POLRMT: variants seen among roughly 807,000 people sequenced by gnomAD.
The protein encoded by POLRMT is DNA-directed RNA polymerase, mitochondrial.
Under a neutral mutation model 132.2 loss-of-function variants are expected in POLRMT, and 114 were observed. That is an observed-to-expected ratio of 0.86 (90% CI 0.74 to 1.01). The LOEUF (loss-of-function observed/expected upper bound fraction) is 1.01, where lower values mean the gene tolerates loss of function less well. POLRMT is among the 50% of genes least tolerant of loss of function. POLRMT has a pLI of 0.00. For missense variants in POLRMT, 2,003 were observed against 1,729.1 expected (o/e 1.16, Z -2.81); for synonymous variants, 1,020 against 773.4 (o/e 1.32, Z -5.29).
At position 621,331 on chromosome 19, in the gene POLRMT, C is replaced by G. The variant is rs907878498; in HGVS notation, c.2367G>C (p.Leu789=). 6.3e-7 allele frequency: 1 copy of G among 1,591,960 alleles called. No individual in the cohort carries two copies. Among genetic ancestry groups the G allele is most frequent in the African/African-American group, 1.3e-5 (1 of 74,582 alleles). ...GCGGCAGCCAGAAGACGCGGTCCCGCAGGTGCTGCGCCAGCGAGAGGCGGT... is the reference window on the plus strand; with the variant it reads ...GCGGCAGCCAGAAGACGCGGTCCCGGAGGTGCTGCGCCAGCGAGAGGCGGT... ...ALYRLSLAQH[L]RDRVFWLPHN... is the part of the protein sequence containing the mutation. The change falls in exon 10 of 21, where the codon CTG becomes CTC. Residue 789 remains leucine, a synonymous_variant. Transcript: ENST00000588649.
At chr19:623,805 C>G (rs941171888) in intron 5 of POLRMT, among the ~76,000 whole-genome samples, 1 of 152,206 alleles carries the variant, frequency 6.6e-6, no homozygotes, top group African/African-American at 2.4e-5. Context: ...GGCCTCGACC[C>G]CTCTAGAAGG....
rs1243562215 is a variant in POLRMT, at chr19:621,029, G to A, written c.2640+29C>T. On this transcript the variant is annotated intron_variant, in intron 10 of 20. Coordinates refer to ENST00000588649, the MANE Select transcript of POLRMT (RefSeq NM_005035.4). ...GGGGAGGGCGCGGGGGTGCCGGGAG[G>A]GCGGGGAATGCGGGGGCCCCGCCCC... 14 of 1,522,090 alleles carry A rather than the reference G, an allele frequency of 9.2e-6. 1 individual carries two copies. The highest frequency in any genetic ancestry group is 5.0e-5 in the African/African-American group (3 of 60,112). 94.3% of individuals were successfully genotyped at this position (1,522,090 alleles called of 1,614,324 possible).
intron 10 of POLRMT, 43 bp from the exon 11 acceptor site, chr19:620,530 T>C: frequency 1.3e-6 from 2 of 1,491,202 alleles, no homozygotes; most frequent in Admixed American, 2.3e-5. Context: ...CCGGGCCCGA[T>C]CCCTGAGCCC....
chr19:629,153 T>A (rs1474762254), intron 3 of POLRMT, among the ~76,000 whole-genome samples: 2 of 151,806 alleles, frequency 1.3e-5, no homozygotes, highest in African/African-American at 4.8e-5. Flanking sequence ...CACAGAAGGA[T>A]CTCAGCACAG....
chr19:619,909 C>A, intron 12 of POLRMT, 49 bp downstream of exon 12: 1 of 1,597,726 alleles, frequency 6.3e-7, no homozygotes, highest in South Asian at 1.1e-5. Flanking sequence ...ACTCAGGGCT[C>A]ACATTGCCCC....
At chr19:617,896 C>T (rs1269342691) in intron 17 of POLRMT, 47 bp from the exon 18 acceptor site, 3 of 1,557,860 alleles carry the variant, frequency 1.9e-6, no homozygotes, top group Middle Eastern at 3.4e-4. Flanking sequence ...CTCACAGGGC[C>T]ACCCAGTGAC....
At chr19:622,040 T>C in intron 9 of POLRMT, 109 bp downstream of exon 9, 1 of 1,196,924 alleles carries the variant, frequency 8.4e-7, no homozygotes, top group Non-Finnish European at 1.1e-6. Flanking sequence ...TCCTGGGAGG[T>C]ACTGACGGCT....
Position 624,765 on chromosome 19 carries a change from G to A in POLRMT, c.1094C>T (p.Pro365Leu), listed in dbSNP as rs777339776. 56 of 1,613,780 alleles carry A rather than the reference G, an allele frequency of 3.5e-5. No homozygotes were observed. Among genetic ancestry groups the A allele is most frequent in the Non-Finnish European group, 4.2e-5 (49 of 1,180,018 alleles). ...KPTFSLPPQL[P>L]PPVNTSKLLR... ...CAGCTTGGAGGTGTTGACCGGGGGC[G>A]GCAGCTGCGGCGGGAGGCTGAAGGT... is the stretch of plus-strand genomic sequence containing the variant. The change falls in exon 5 of 21, where the codon CCG becomes CTG. Residue 365 changes from proline (P) to leucine (L), a missense_variant. Coordinates refer to ENST00000588649, the MANE Select transcript of POLRMT (RefSeq NM_005035.4).
rs778241722 is a variant in POLRMT at position 630,151 on chromosome 19, G to C, written c.211C>G (p.Arg71Gly). Residue 71 changes from arginine (R) to glycine (G), a missense_variant, in exon 3 of 21, where the codon CGG becomes GGG. Transcript: ENST00000588649. Reference sequence around the variant, plus strand: ...GACACGCTCTCAGCCTGCAGCTGCCGCACCCGCGCCTGGAGCACTGTGAGG... The same window carrying C: ...GACACGCTCTCAGCCTGCAGCTGCCCCACCCGCGCCTGGAGCACTGTGAGG... Reference protein sequence around the residue: ...ELLEVLQARVRQLQAESVSEV... With the variant: ...ELLEVLQARVGQLQAESVSEV... 14 of 1,598,190 alleles carry C rather than the reference G, an allele frequency of 8.8e-6. No homozygotes were observed. Among genetic ancestry groups the C allele is most frequent in the Non-Finnish European group, 1.2e-5 (14 of 1,170,722 alleles).
chr19:633,300 G>T, intron 1 of POLRMT, 125 bp downstream of exon 1: 1 of 1,195,996 alleles, frequency 8.4e-7, no homozygotes, highest in Non-Finnish European at 1.1e-6. Context: ...AAGCGGGGCC[G>T]GGTCGGTGGG....
At chr19:622,432 C>G in intron 8 of POLRMT, 59 bp from the exon 9 acceptor site, 2 of 1,478,404 alleles carry the variant, frequency 1.4e-6, no homozygotes, top group Non-Finnish European at 1.8e-6. Context: ...GATGCCCCAC[C>G]GCCCGTGCCT....
At chr19:617,914 C>T (rs1437716698) in intron 17 of POLRMT, 65 bp from the exon 18 acceptor site, 9 of 1,482,852 alleles carry the variant, frequency 6.1e-6, no homozygotes, top group African/African-American at 4.2e-5. Flanking sequence ...GACCAGCATC[C>T]TGGCCCTGCG....
In POLRMT at chr19:620,403, C is replaced by G. The variant is rs758043285; in HGVS notation, c.2725G>C (p.Asp909His). The change falls in exon 11 of 21, where the codon GAC (aspartate) becomes CAC (histidine). Residue 909 changes from aspartate (D) to histidine (H), a missense_variant. Coordinates refer to ENST00000588649, the MANE Select transcript of POLRMT (RefSeq NM_005035.4). Reference protein sequence around the residue: ...MEVANAVRASDPAAYVSHLPV... With the variant: ...MEVANAVRASHPAAYVSHLPV... ...AGGTGGGAGACATAGGCGGCAGGGT[C>G]GGAGGCGCGCACAGCGTTCGCCACC... 9.5e-6 allele frequency: 15 copies of G among 1,585,484 alleles called. No individual in the cohort carries two copies. Among genetic ancestry groups the G allele is most frequent in the African/African-American group, 2.7e-5 (2 of 74,370 alleles).
Position 621,747 on chromosome 19 carries a change from G to C in POLRMT, c.1951C>G (p.Pro651Ala). 1.9e-6 allele frequency: 3 copies of C among 1,600,766 alleles called. No homozygotes were observed. In the South Asian group the frequency reaches 3.3e-5, roughly 18 times the overall value. The stretch of plus-strand genomic sequence containing the variant: ...TGCGGCGATGTCCAGGGCAGCGGGG[G>C]GCAAAGCATGGGTACATCCACCGCC... ...FEAVDVPMLCPPLPWTSPHSG... is the reference protein window; with the variant it reads ...FEAVDVPMLCAPLPWTSPHSG... Residue 651 changes from proline to alanine, a missense_variant, in exon 10 of 21, where the codon CCC (proline) becomes GCC (alanine). By Grantham distance (27) the Pro-to-Ala change is conservative. Coordinates refer to ENST00000588649, the MANE Select transcript of POLRMT (RefSeq NM_005035.4).
intron 3 of POLRMT, among the ~76,000 whole-genome samples, chr19:626,696 C>CAAAAAAAAAAAAAAAAAAAAAAAAAAAAA (rs59746130): frequency 9.5e-6 from 1 of 105,046 alleles, no homozygotes; most frequent in African/African-American, 4.3e-5. Context: ...ACTAAAAATA[C>CAAAAAAAAAAAAAAAAAAAAAAAAAAAAA]AAAAAAAAAA....
At position 619,198 on chromosome 19, in the gene POLRMT, G is replaced by A; in HGVS notation, c.3153+12C>T. 6.2e-7 allele frequency: 1 copy of A among 1,611,526 alleles called. No homozygotes were observed. The highest frequency in any genetic ancestry group is 8.5e-7 in the Non-Finnish European group (1 of 1,179,356). ...GGGAGTCCTGGCCGAGCGGGGACAGGACAGGACGTACCTGGATGGCCCGGG... is the reference window on the plus strand; with the variant it reads ...GGGAGTCCTGGCCGAGCGGGGACAGAACAGGACGTACCTGGATGGCCCGGG... On this transcript the variant is annotated intron_variant, in intron 14 of 20. Transcript: ENST00000588649.
chr19:629,472 G>C (rs1985246586), intron 3 of POLRMT, 68 bp downstream of exon 3: 12 of 1,417,946 alleles, frequency 8.5e-6, no homozygotes, highest in Non-Finnish European at 1.1e-5. Flanking sequence ...GAAAAGTCCA[G>C]TCTAAATGAG....
chr19:631,103 G>A (rs559336321), intron 2 of POLRMT, among the ~76,000 whole-genome samples: 3 of 151,956 alleles, frequency 2.0e-5, no homozygotes, highest in Non-Finnish European at 4.4e-5. Context: ...AGGTTGCAGT[G>A]ACTCAAGATA....
At chr19:628,780 A>C (rs1162250564) in intron 3 of POLRMT, among the ~76,000 whole-genome samples, 2 of 152,168 alleles carry the variant, frequency 1.3e-5, no homozygotes, top group East Asian at 3.9e-4. Context: ...TCAGGGGGGC[A>C]GATCACGAGG....
Sources: gnomAD v4.1 joint callset for allele counts (sites outside exome capture counted in the v4.1 genomes callset) on GRCh38, gnomAD v4.1.1 for gene constraint, MANE v1.5 for transcripts, NCBI Gene and HGNC (gene_info 2026-07-23, HGNC 2026-07-21) for gene names.